The following NOL4 variants were observed in gnomAD, a reference collection of about 807,000 sequenced individuals.
NOL4 encodes the protein cancer/testis antigen 125.
A neutral mutation model predicts 75.9 loss-of-function variants in NOL4; 17 were observed. The ratio of observed to expected loss-of-function variants is 0.22; its 90% CI spans 0.15 to 0.34. The LOEUF (loss-of-function observed/expected upper bound fraction) is 0.34. Among genes scored for constraint, NOL4 ranks in the 10% least tolerant of loss-of-function variants. NOL4 has a pLI of 1.00. For missense variants in NOL4, 614 were observed against 793.5 expected (o/e 0.77, Z 2.72); for synonymous variants, 292 against 289.9 (o/e 1.01, Z -0.07).
chr18:34,061,728 T>C (rs866448710), intron 5 of NOL4, among the ~76,000 whole-genome samples: 2 of 152,110 alleles, frequency 1.3e-5, no homozygotes, highest in East Asian at 1.9e-4. Flanking sequence ...CAATAAAATA[T>C]AGTCAGTTTA....
In NOL4 at chr18:33,930,813, A is replaced by G. The variant is rs191097683; in HGVS notation, c.1542+12252T>C. ...GCTTTTGAAATTAAAAAGAATATAAATGTATATCAGGAGACAACTTAAAAT... is the reference window on the plus strand; with the variant it reads ...GCTTTTGAAATTAAAAAGAATATAAGTGTATATCAGGAGACAACTTAAAAT... On this transcript the variant is annotated intron_variant, in intron 9 of 10. Coordinates refer to ENST00000261592, the MANE Select transcript of NOL4 (RefSeq NM_003787.5). 3.3e-5 allele frequency among the ~76,000 whole-genome samples: 5 copies of G among 152,272 alleles called. No homozygotes were observed. In the East Asian group the frequency reaches 9.6e-4, roughly 29 times the overall value.
chr18:33,864,918 T>C (rs1180439541), intron 10 of NOL4, among the ~76,000 whole-genome samples: 1 of 152,066 alleles, frequency 6.6e-6, no homozygotes, highest in Non-Finnish European at 1.5e-5. Flanking sequence ...AACAAAACCA[T>C]CGGATCTCAT....
chr18:34,108,352 A>C (rs1450056646), intron 2 of NOL4, among the ~76,000 whole-genome samples: 2 of 152,146 alleles, frequency 1.3e-5, no homozygotes. Context: ...TCTATCAATA[A>C]TTACATTAAA....
chr18:33,897,295 C>T (rs2065468621), intron 9 of NOL4, among the ~76,000 whole-genome samples: 1 of 152,046 alleles, frequency 6.6e-6, no homozygotes. Context: ...CAATCATCTA[C>T]CATAAAGATC....
intron 5 of NOL4, among the ~76,000 whole-genome samples, chr18:34,073,925 T>C (rs937951143): frequency 2.0e-5 from 3 of 151,878 alleles, no homozygotes; most frequent in Admixed American, 6.6e-5. Context: ...AAAAATGTGG[T>C]ATGACTAAAT....
intron 4 of NOL4, among the ~76,000 whole-genome samples, chr18:34,100,567 T>C (rs1446700741): frequency 2.0e-5 from 3 of 152,208 alleles, no homozygotes; most frequent in Non-Finnish European, 4.4e-5. Flanking sequence ...AAAACCTTTT[T>C]CCAGTTTTAT....
chr18:34,156,682 G>C (rs1014689066), intron 1 of NOL4: 2 of 152,406 alleles, frequency 1.3e-5, no homozygotes, highest in African/African-American at 4.8e-5. Context: ...CCATACCACT[G>C]TCATCGCTGA....
At chr18:34,029,226 G>T (rs2075509291) in intron 5 of NOL4, among the ~76,000 whole-genome samples, 1 of 152,100 alleles carries the variant, frequency 6.6e-6, no homozygotes, top group Non-Finnish European at 1.5e-5. Context: ...ATGAAACTCA[G>T]TGAGGTTTAT....
At chr18:33,870,852 A>T (rs2063666580) in intron 10 of NOL4, among the ~76,000 whole-genome samples, 1 of 152,098 alleles carries the variant, frequency 6.6e-6, no homozygotes, top group African/African-American at 2.4e-5. Context: ...AGAGGATTAT[A>T]TTTCCTAATG....
chr18:33,874,429 T>C (rs1567987939), intron 10 of NOL4, among the ~76,000 whole-genome samples: 1 of 151,966 alleles, frequency 6.6e-6, no homozygotes, highest in Non-Finnish European at 1.5e-5. Flanking sequence ...AGAACATACT[T>C]TAAGAAGACA....
chr18:33,924,327 A>T (rs2067205920), intron 9 of NOL4, among the ~76,000 whole-genome samples: 1 of 152,038 alleles, frequency 6.6e-6, no homozygotes, highest in Non-Finnish European at 1.5e-5. Context: ...CACTGCCTAC[A>T]CCCTTGGTTC....
At chr18:33,867,035 C>A (rs964655670) in intron 10 of NOL4, among the ~76,000 whole-genome samples, 1 of 152,080 alleles carries the variant, frequency 6.6e-6, no homozygotes, top group Non-Finnish European at 1.5e-5. Flanking sequence ...GATTTGTACT[C>A]CCCTACCATT....
Position 34,024,190 on chromosome 18 carries a change from A to AT in NOL4, c.773-4590_773-4589insA, listed in dbSNP as rs1322401512. 5.2e-3 allele frequency among the ~76,000 whole-genome samples: 364 copies of AT among 69,588 alleles called. 9 individuals carry two copies. The highest frequency in any genetic ancestry group is 0.011 in the African/African-American group (208 of 18,740). The allele number at this position is 69,588 out of a possible 152,430, so 45.7% of individuals were successfully genotyped here. A position where few individuals can be genotyped will look rare whatever the true frequency, so the allele number is the denominator to read the frequency against. ...TAGGCAAAATAAACAGGAAAAAAAA[A>AT]AAAAATATATATATATATATATATA... On this transcript the variant is annotated intron_variant, in intron 5 of 10. Coordinates refer to ENST00000261592, the MANE Select transcript of NOL4 (RefSeq NM_003787.5).
At chr18:34,173,220 G>A (rs1196757630) in intron 1 of NOL4, among the ~76,000 whole-genome samples, 1 of 152,042 alleles carries the variant, frequency 6.6e-6, no homozygotes, top group Non-Finnish European at 1.5e-5. Flanking sequence ...AAGCAGAGTA[G>A]AACAGTCATT....
At chr18:34,145,423 T>A (rs2081357444) in intron 1 of NOL4, among the ~76,000 whole-genome samples, 1 of 151,336 alleles carries the variant, frequency 6.6e-6, no homozygotes, top group African/African-American at 2.4e-5. Context: ...CTTCCTAATT[T>A]ATAAACAACA....
chr18:34,157,551 A>G (rs2030652619), intron 1 of NOL4, among the ~76,000 whole-genome samples: 1 of 152,138 alleles, frequency 6.6e-6, no homozygotes, highest in African/African-American at 2.4e-5. Flanking sequence ...CAGATTTAGA[A>G]GACAAGAAAA....
chr18:33,865,532 A>C (rs1233384418), intron 10 of NOL4, among the ~76,000 whole-genome samples: 3 of 152,106 alleles, frequency 2.0e-5, no homozygotes, highest in African/African-American at 7.2e-5. Context: ...TACTTCTGCA[A>C]GATTGTATTT....
chr18:34,179,639 C>G (rs1010590889), intron 1 of NOL4, among the ~76,000 whole-genome samples: 53 of 151,376 alleles, frequency 3.5e-4, no homozygotes, highest in Non-Finnish European at 7.5e-4. Flanking sequence ...TAGAAAGACC[C>G]CAACTAACAA....
At chr18:33,899,472 G>A (rs903000710) in intron 9 of NOL4, among the ~76,000 whole-genome samples, 1 of 152,106 alleles carries the variant, frequency 6.6e-6, no homozygotes, top group South Asian at 2.1e-4. Context: ...CACAATTTGG[G>A]GAAGCCTGCA....
Sources: allele counts gnomAD v4.1 joint callset (sites outside exome capture counted in the v4.1 genomes callset), GRCh38; gene constraint gnomAD v4.1.1; transcripts MANE v1.5; gene names NCBI Gene and HGNC (gene_info 2026-07-23, HGNC 2026-07-21).